ZRANB3: variants seen among roughly 807,000 people sequenced by gnomAD.
The protein encoded by ZRANB3 is DNA annealing helicase and endonuclease ZRANB3.
ZRANB3 carries 125 observed loss-of-function variants against 133.8 expected under a neutral mutation model. That is an observed-to-expected ratio of 0.93 (90% confidence interval 0.81 to 1.08). ZRANB3 has a LOEUF of 1.08. Among genes scored for constraint, ZRANB3 ranks in the 50% least tolerant of loss-of-function variants. The pLI is 0.00. For synonymous variants in ZRANB3, 387 were observed against 432.7 expected (o/e 0.89, Z 1.31); for missense variants, 1,229 against 1,275.5 (o/e 0.96, Z 0.56).
At chr2:135,477,398 A>C (rs1055673973) in intron 2 of ZRANB3, among the ~76,000 whole-genome samples, 5 of 152,138 alleles carry the variant, frequency 3.3e-5, no homozygotes, top group African/African-American at 1.2e-4. Context: ...CTTCTAATGG[A>C]GTTTGATCAA....
chr2:135,369,711 A>C (rs1686085920), intron 3 of ZRANB3, among the ~76,000 whole-genome samples: 1 of 152,208 alleles, frequency 6.6e-6, no homozygotes, highest in African/African-American at 2.4e-5. Context: ...CCTCAGTCTC[A>C]ACCTCAGTTC....
intron 2 of ZRANB3, among the ~76,000 whole-genome samples, chr2:135,409,100 A>T (rs1236353120): frequency 6.6e-6 from 1 of 152,186 alleles, no homozygotes; most frequent in African/African-American, 2.4e-5. Context: ...GGGCCACAGG[A>T]AACTTACAAT....
rs1016895427 is a variant in ZRANB3, at chr2:135,271,754, T to C, written c.1206+14A>G. On this transcript the variant is annotated intron_variant, in intron 10 of 20. Transcript: ENST00000264159. ...TGACATTTCATAACCAAATTTAGAC[T>C]TGAAATTTCTTACCTGGCCAGCAGC... 1 of 1,601,900 alleles carries C rather than the reference T, an allele frequency of 6.2e-7. No individual in the cohort carries two copies. Among genetic ancestry groups the C allele is most frequent in the Non-Finnish European group, 8.5e-7 (1 of 1,176,106 alleles).
chr2:135,426,594 C>G (rs1245108800), intron 2 of ZRANB3, among the ~76,000 whole-genome samples: 2 of 151,514 alleles, frequency 1.3e-5, no homozygotes, highest in African/African-American at 2.4e-5. Flanking sequence ...GTTTGGGAGG[C>G]TGGGGCGGGC....
chr2:135,472,317 G>A (rs1005304957), intron 2 of ZRANB3, among the ~76,000 whole-genome samples: 10 of 151,998 alleles, frequency 6.6e-5, no homozygotes, highest in African/African-American at 9.7e-5. Flanking sequence ...TGGCTAACAC[G>A]GTGAAACCCT....
At chr2:135,225,687 A>C (rs931883691) in intron 14 of ZRANB3, among the ~76,000 whole-genome samples, 1 of 152,174 alleles carries the variant, frequency 6.6e-6, no homozygotes, top group Non-Finnish European at 1.5e-5. Context: ...AATGTCTTTA[A>C]ATTTTTTCAC....
chr2:135,222,312 G>A (rs1694586172), intron 15 of ZRANB3, among the ~76,000 whole-genome samples: 1 of 150,674 alleles, frequency 6.6e-6, no homozygotes, highest in African/African-American at 2.4e-5. Context: ...TGAGGCAGGA[G>A]AATCACTTGA....
chr2:135,411,574 TA>T (rs2104954786), intron 2 of ZRANB3, among the ~76,000 whole-genome samples: 1 of 152,284 alleles, frequency 6.6e-6, no homozygotes, highest in South Asian at 2.1e-4. Context: ...CACCATGGAA[TA>T]TTACCACAAA....
At chr2:135,452,542 G>A (rs531086402) in intron 2 of ZRANB3, among the ~76,000 whole-genome samples, 325 of 152,286 alleles carry the variant, frequency 2.1e-3, no homozygotes, top group Admixed American at 4.5e-3. Flanking sequence ...AGTTAGTTAC[G>A]TCCTGGATAC....
At chr2:135,530,525 C>A (rs1381093564) in intron 1 of ZRANB3, 2 of 152,268 alleles carry the variant, frequency 1.3e-5, no homozygotes, top group Non-Finnish European at 2.9e-5. Context: ...GCCAGTCACA[C>A]CTGGCGTATT....
intron 6 of ZRANB3, among the ~76,000 whole-genome samples, chr2:135,338,479 C>T (rs145992715): frequency 6.2e-4 from 95 of 152,334 alleles, no homozygotes; most frequent in African/African-American, 2.2e-3. Context: ...CGCGTGGCTT[C>T]TATAGAGAAG....
At chr2:135,414,500 T>C (rs1688461365) in intron 2 of ZRANB3, among the ~76,000 whole-genome samples, 1 of 152,020 alleles carries the variant, frequency 6.6e-6, no homozygotes, top group Non-Finnish European at 1.5e-5. Context: ...CACATAATAA[T>C]AATGGGAGAC....
intron 8 of ZRANB3, among the ~76,000 whole-genome samples, chr2:135,301,588 C>T (rs1682435224): frequency 6.6e-6 from 1 of 152,132 alleles, no homozygotes; most frequent in South Asian, 2.1e-4. Context: ...CTTTTGGTTC[C>T]CTGAATATGT....
At chr2:135,200,488 G>A (rs369803714) in intron 20 of ZRANB3, 48 bp from the exon 21 acceptor site, 36 of 1,436,674 alleles carry the variant, frequency 2.5e-5, no homozygotes, top group Middle Eastern at 1.8e-4. Context: ...AAAAAGCACC[G>A]GCTACAAAAG....
chr2:135,271,157 C>G, intron 10 of ZRANB3: 1 of 315,786 alleles, frequency 3.2e-6, no homozygotes, highest in Non-Finnish European at 6.6e-6. Flanking sequence ...GACATACTTG[C>G]TAAGAGTGGT....
intron 8 of ZRANB3, among the ~76,000 whole-genome samples, chr2:135,306,544 G>A (rs1393985176): frequency 6.7e-5 from 10 of 149,428 alleles, no homozygotes; most frequent in Middle Eastern, 7.2e-3. Flanking sequence ...CACCCGTCTC[G>A]GCCTCCCAAA....
intron 2 of ZRANB3, among the ~76,000 whole-genome samples, chr2:135,470,077 C>T (rs1389409176): frequency 1.3e-5 from 2 of 149,244 alleles, no homozygotes; most frequent in Admixed American, 1.3e-4. Context: ...GTAATCCCAG[C>T]ACTTTGGGAG....
intron 2 of ZRANB3, among the ~76,000 whole-genome samples, chr2:135,433,556 T>A (rs1310995905): frequency 6.6e-6 from 1 of 152,134 alleles, no homozygotes; most frequent in Non-Finnish European, 1.5e-5. Context: ...ATTTGACAAA[T>A]GAAAACAATT....
chr2:135,338,042 C>A (rs533813100), intron 6 of ZRANB3, among the ~76,000 whole-genome samples: 6 of 152,216 alleles, frequency 3.9e-5, no homozygotes, highest in African/African-American at 1.4e-4. Context: ...GACTGTGCTG[C>A]GTATTTTTTA....
Sources: allele counts gnomAD v4.1 joint callset (sites outside exome capture counted in the v4.1 genomes callset), GRCh38; gene constraint gnomAD v4.1.1; transcripts MANE v1.5; gene names NCBI Gene and HGNC (gene_info 2026-07-23, HGNC 2026-07-21).